The following RTL9 variants were observed in gnomAD, a reference collection of about 807,000 sequenced individuals.
RTL9 encodes retrotransposon Gag like 9, also known as retrotransposon Gag-like protein 9.
Under a neutral mutation model 44.7 loss-of-function variants are expected in RTL9, and 19 were observed. That is an observed-to-expected ratio of 0.42 (90% CI 0.30 to 0.62). The LOEUF (loss-of-function observed/expected upper bound fraction) is 0.62, where lower values mean the gene tolerates loss of function less well. Ranked by LOEUF, RTL9 falls within the 20% of genes least tolerant of loss-of-function variation. The pLI is 0.16. For missense variants in RTL9, 1,105 were observed against 1,080.6 expected (o/e 1.02, Z -0.32); for synonymous variants, 407 against 398.9 (o/e 1.02, Z -0.24).
chrX:110,398,408 T>A (rs1238296481), intron 1 of RTL9, among the ~76,000 whole-genome samples: 2 of 112,645 alleles, frequency 1.8e-5, no homozygotes, highest in Non-Finnish European at 3.7e-5. Context: ...CAGATGCCCT[T>A]CTTCCCATTA....
chrX:110,405,093 C>CT (rs965088651), intron 1 of RTL9, among the ~76,000 whole-genome samples: 1 of 99,477 alleles, frequency 1.0e-5, no homozygotes, highest in African/African-American at 3.7e-5. Flanking sequence ...TTGTGTCCCC[C>CT]CCCCCCCCAA....
intron 1 of RTL9, among the ~76,000 whole-genome samples, chrX:110,363,494 G>A (rs1412329206): frequency 8.9e-6 from 1 of 112,136 alleles, no homozygotes; most frequent in East Asian, 2.8e-4. Context: ...AATGTAATCA[G>A]TGGAAAACAC....
intron 1 of RTL9, among the ~76,000 whole-genome samples, chrX:110,427,930 C>T (rs2068766251): frequency 8.9e-6 from 1 of 111,738 alleles, no homozygotes; most frequent in Non-Finnish European, 1.9e-5. Context: ...ATCTCATCTA[C>T]AACACATAGC....
At chrX:110,452,340 A>T (rs1486984841) in exon 1 of RTL9, 1 of 1,211,916 alleles carries the variant, frequency 8.3e-7, no homozygotes, top group Admixed American at 2.2e-5. Context: ...TTCTGGAGCA[A>T]TGTCCACCCC....
intron 1 of RTL9, among the ~76,000 whole-genome samples, chrX:110,400,978 G>A (rs1277146199): frequency 8.9e-6 from 1 of 111,914 alleles, no homozygotes; most frequent in Non-Finnish European, 1.9e-5. Context: ...AGCAGGGTAG[G>A]TGGACATGAT....
chrX:110,429,616 G>T (rs1039523980), intron 1 of RTL9, among the ~76,000 whole-genome samples: 1 of 109,917 alleles, frequency 9.1e-6, no homozygotes, highest in South Asian at 3.9e-4. Context: ...CCAAGTAGCT[G>T]GGATTACGGG....
chrX:110,455,340 C>T, exon 2 of RTL9: 7 of 1,206,223 alleles, frequency 5.8e-6, no homozygotes, highest in Non-Finnish European at 7.8e-6. Context: ...GGAATCTTCT[C>T]CTGTGATATC....
At chrX:110,429,715 CAA>C (rs1177415299) in intron 1 of RTL9, among the ~76,000 whole-genome samples, 1 of 111,075 alleles carries the variant, frequency 9.0e-6, no homozygotes, top group Non-Finnish European at 1.9e-5. Flanking sequence ...CTCCTGACCT[CAA>C]GTGTTCCACC....
chrX:110,369,629 C>T (rs925564250), intron 1 of RTL9, among the ~76,000 whole-genome samples: 3 of 111,363 alleles, frequency 2.7e-5, no homozygotes, highest in African/African-American at 9.8e-5. Context: ...AAGCTAGAGT[C>T]TCCCTCTGCC....
chrX:110,379,386 G>T, intron 1 of RTL9, among the ~76,000 whole-genome samples: 1 of 111,917 alleles, frequency 8.9e-6, no homozygotes, highest in Middle Eastern at 4.6e-3. Flanking sequence ...TCTTCTGTTA[G>T]GCTGCTACCT....
At chrX:110,373,783 G>A (rs770266986) in intron 1 of RTL9, among the ~76,000 whole-genome samples, 11 of 111,530 alleles carry the variant, frequency 9.9e-5, no homozygotes, top group South Asian at 3.7e-4. Context: ...AACTTTCCTC[G>A]GTGTGTGTAC....
upstream of RTL9, among the ~76,000 whole-genome samples, chrX:110,416,005 G>A (rs1454333437): frequency 8.8e-5 from 8 of 90,583 alleles, no homozygotes; most frequent in Non-Finnish European, 1.7e-4. Context: ...CCCAGAAGAG[G>A]CAAAAAAAAA....
Position 110,451,769 on chromosome X carries a change from G to A in RTL9, c.1152G>A (p.Met384Ile), listed in dbSNP as rs1386982385. Residue 384 changes from methionine (M) to isoleucine (I), a missense_variant, in exon 1 of 2, where the codon ATG (methionine) becomes ATA (isoleucine). Met to Ile is a conservative substitution (Grantham distance 10). Coordinates refer to ENST00000540313, the Ensembl canonical transcript of RTL9. ...CAACACAAAATGTAGACTCTGAAAT[G>A]ATGTCTAATCCGCCAGTGAGAGCAA... is the stretch of plus-strand genomic sequence containing the variant. 3.3e-6 allele frequency: 4 copies of A among 1,209,695 alleles called. No homozygotes were observed. The African/African-American group carries it at 7.0e-5, about 21-fold the overall frequency.
rs748040281 is a variant in RTL9 at position 110,432,433 on chromosome X, G to A, written c.-167-12720G>A. On this transcript the variant is annotated intron_variant, in intron 1 of 3. Transcript: ENST00000465301. ...AGTGGTAGTGGTAGTGGTGGGGAGG[G>A]TTGATAGCTTCGAGAGAAGAGCTGG... 3.6e-3 allele frequency among the ~76,000 whole-genome samples: 407 copies of A among 112,243 alleles called. 3 individuals are homozygous for A. The highest frequency in any genetic ancestry group is 6.5e-3 in the Non-Finnish European group (346 of 53,199).
chrX:110,393,653 T>C (rs1055894985), intron 1 of RTL9, among the ~76,000 whole-genome samples: 2 of 112,247 alleles, frequency 1.8e-5, no homozygotes, highest in African/African-American at 6.5e-5. Context: ...TACCCTGGCC[T>C]GAGAACTGCT....
At chrX:110,428,137 T>C (rs948100519) in intron 1 of RTL9, among the ~76,000 whole-genome samples, 1 of 112,320 alleles carries the variant, frequency 8.9e-6, no homozygotes, top group African/African-American at 3.2e-5. Flanking sequence ...CATGATTCTG[T>C]ACATCCTGTT....
intron 1 of RTL9, 80 bp downstream of exon 3, chrX:110,454,744 G>A: frequency 1.1e-6 from 1 of 896,906 alleles, no homozygotes; most frequent in Non-Finnish European, 1.5e-6. Flanking sequence ...CTGCTTCCTT[G>A]AGTAGAATTG....
intron 1 of RTL9, among the ~76,000 whole-genome samples, chrX:110,383,864 G>A (rs1211045518): frequency 1.8e-5 from 2 of 111,827 alleles, no homozygotes; most frequent in Non-Finnish European, 3.8e-5. Flanking sequence ...GGGCTCTGGA[G>A]GCAGACTGCC....
chrX:110,447,323 A>T (rs754814635), upstream of RTL9, among the ~76,000 whole-genome samples: 8 of 108,785 alleles, frequency 7.4e-5, no homozygotes, highest in Non-Finnish European at 1.1e-4. Flanking sequence ...ATCAAATGAG[A>T]TAATGCTGGT....
Sources: gnomAD v4.1 joint callset for allele counts (sites outside exome capture counted in the v4.1 genomes callset) on GRCh38, gnomAD v4.1.1 for gene constraint, MANE v1.5 for transcripts, NCBI Gene and HGNC (gene_info 2026-07-23, HGNC 2026-07-21) for gene names.